The following SLC44A1 variants were observed in gnomAD, a reference collection of about 807,000 sequenced individuals.
SLC44A1 encodes the protein choline transporter-like protein 1.
A neutral mutation model predicts 79.3 loss-of-function variants in SLC44A1; 26 were observed. The observed-to-expected ratio is 0.33, with a 90% confidence interval of 0.24 to 0.46. SLC44A1 has a LOEUF of 0.46. SLC44A1 is among the 20% of genes least tolerant of loss of function. SLC44A1 has a pLI of 1.00. For missense variants in SLC44A1, 688 were observed against 798.1 expected (o/e 0.86, Z 1.66); for synonymous variants, 263 against 286.2 (o/e 0.92, Z 0.82).
chr9:105,258,144 G>A (rs575468081), intron 1 of SLC44A1, among the ~76,000 whole-genome samples: 1 of 152,310 alleles, frequency 6.6e-6, no homozygotes, highest in South Asian at 2.1e-4. Flanking sequence ...TGTTTTGAAC[G>A]CCACATCATG....
Position 105,394,752 on chromosome 9 carries a change from G to T in SLC44A1, c.*5696G>T, listed in dbSNP as rs1227451270. ...TCCATAGTTGGCAAAAAATAAATTT[G>T]GTAGAAAGTTGGAGGAGCAGATGCT... is the stretch of plus-strand genomic sequence containing the variant. On this transcript the variant is annotated 3_prime_UTR_variant, in exon 16 of 16. Transcript: ENST00000374720. 1 of 985,208 alleles carries T rather than the reference G, an allele frequency of 1.0e-6. No homozygotes were observed. Among genetic ancestry groups the T allele is most frequent in the Non-Finnish European group, 1.2e-6 (1 of 829,900 alleles). The allele number at this position is 985,208 out of a possible 1,614,324, so 61.0% of individuals were successfully genotyped here. A position where few individuals can be genotyped will look rare whatever the true frequency, so the allele number is the denominator to read the frequency against.
intron 1 of SLC44A1, among the ~76,000 whole-genome samples, chr9:105,295,406 G>A (rs934258242): frequency 3.3e-5 from 5 of 152,182 alleles, no homozygotes; most frequent in Admixed American, 1.3e-4. Flanking sequence ...TCTGAGAAAG[G>A]GGTAAAATCA....
chr9:105,256,953 A>C (rs1014935499), intron 1 of SLC44A1, among the ~76,000 whole-genome samples: 1 of 151,134 alleles, frequency 6.6e-6, no homozygotes, highest in Non-Finnish European at 1.5e-5. Context: ...CAGAGGGCTA[A>C]TTTTTGTATT....
chr9:105,244,861 GC>G lies in SLC44A1; in HGVS notation c.-4del. 1.7e-6 allele frequency: 2 copies of G among 1,145,086 alleles called. No individual in the cohort carries two copies. The highest frequency in any genetic ancestry group is 2.1e-6 in the Non-Finnish European group (2 of 933,962). 70.9% of individuals were successfully genotyped at this position (1,145,086 alleles called of 1,614,324 possible). A position where few individuals can be genotyped will look rare whatever the true frequency, so the allele number is the denominator to read the frequency against. ...CCGGCGCCGCCTCCGGGCTCCTTCG[GC>G]CCCGCCATGGGCTGCTGCAGCTCCG... On this transcript the variant is annotated 5_prime_UTR_variant, in exon 1 of 16. Coordinates refer to ENST00000374720, the MANE Select transcript of SLC44A1 (RefSeq NM_080546.5).
Position 105,358,413 on chromosome 9 carries a change from T to C in SLC44A1, c.740T>C (p.Leu247Pro). The C allele has an allele frequency of 2.5e-6, 4 of 1,592,786 alleles. No homozygotes were observed. Among genetic ancestry groups the C allele is most frequent in the Non-Finnish European group, 3.4e-6 (4 of 1,160,904 alleles). ...SRVLVWILTILVILGSLGGTG... is the reference protein window; with the variant it reads ...SRVLVWILTIPVILGSLGGTG... ...GTACTTGTGTGGATCTTAACGATTCTGGTCATACTCGGTTCACTTGGTAAG... is the reference window on the plus strand; with the variant it reads ...GTACTTGTGTGGATCTTAACGATTCCGGTCATACTCGGTTCACTTGGTAAG... Residue 247 changes from leucine to proline, a missense_variant, in exon 7 of 16, where the codon CTG (leucine) becomes CCG (proline). Transcript: ENST00000374720.
At chr9:105,303,877 G>T (rs1830947589) in intron 2 of SLC44A1, among the ~76,000 whole-genome samples, 2 of 152,166 alleles carry the variant, frequency 1.3e-5, no homozygotes, top group African/African-American at 4.8e-5. Flanking sequence ...TTAGTATGTT[G>T]TTAGGAAGCT....
At chr9:105,296,803 A>G (rs959638486) in intron 1 of SLC44A1, among the ~76,000 whole-genome samples, 2 of 152,236 alleles carry the variant, frequency 1.3e-5, no homozygotes, top group Non-Finnish European at 2.9e-5. Context: ...TCTTATATGA[A>G]TAATACAGAG....
intron 15 of SLC44A1, chr9:105,385,751 TA>T: frequency 1.0e-6 from 1 of 985,160 alleles, no homozygotes. Flanking sequence ...CAGGGGCGGG[TA>T]GGGGATGATG....
In SLC44A1 at chr9:105,361,323, T is replaced by G; in HGVS notation, c.893T>G (p.Val298Gly). The change falls in exon 8 of 16, where the codon GTG becomes GGG. Residue 298 changes from valine to glycine, a missense_variant. Coordinates refer to ENST00000374720, the MANE Select transcript of SLC44A1 (RefSeq NM_080546.5). ...ALLIYAISAT[V>G]FTVILFLIML... Reference sequence around the variant, plus strand: ...CTCATTTATGCCATTTCAGCTACAGTGTTCACAGTGAGTTTAGGCTTTGGC... The same window carrying G: ...CTCATTTATGCCATTTCAGCTACAGGGTTCACAGTGAGTTTAGGCTTTGGC... The G allele has an allele frequency of 6.2e-7, 1 of 1,603,374 alleles. No individual in the cohort carries two copies. Among genetic ancestry groups the G allele is most frequent in the Non-Finnish European group, 8.5e-7 (1 of 1,175,626 alleles).
chr9:105,385,342 T>C (rs1181026832), intron 14 of SLC44A1, 80 bp from the exon 15 acceptor site: 23 of 1,009,386 alleles, frequency 2.3e-5, no homozygotes, highest in Non-Finnish European at 3.5e-5. Flanking sequence ...GAGTCAAAAA[T>C]GTAGATGTTC....
chr9:105,420,861 CAAAAAAAAAAAA>C (rs34053627), intron 15 of SLC44A1, among the ~76,000 whole-genome samples: 6 of 12,470 alleles, frequency 4.8e-4, no homozygotes, highest in African/African-American at 6.4e-4. Flanking sequence ...AACTCCATCT[CAAAAAAAAAAAA>C]AAAAAAAAAA....
chr9:105,404,247 A>AG lies in SLC44A1; in HGVS notation c.1950+18745_1950+18746insG, dbSNP rs1365970840. 2.0e-5 allele frequency among the ~76,000 whole-genome samples: 3 copies of AG among 151,662 alleles called. No homozygotes were observed. The East Asian group carries it at 5.8e-4, about 29-fold the overall frequency. On this transcript the variant is annotated intron_variant, in intron 15 of 15. Coordinates refer to the SLC44A1 transcript ENST00000374724. ...AGGACTCATCTCAAAAAAAAAAAAA[A>AG]AAAAAAAAGAATGGAGAGAAAGGGA...
chr9:105,408,379 T>C (rs924103859), intron 15 of SLC44A1, among the ~76,000 whole-genome samples: 7 of 151,568 alleles, frequency 4.6e-5, no homozygotes, highest in African/African-American at 1.7e-4. Flanking sequence ...GCTAGTATTA[T>C]TGTATTTTTT....
At chr9:105,380,639 G>A (rs1335029790) in intron 13 of SLC44A1, among the ~76,000 whole-genome samples, 6 of 151,730 alleles carry the variant, frequency 4.0e-5, no homozygotes, top group East Asian at 1.9e-4. Context: ...TAAAGCATAC[G>A]AAAGAAGACA....
intron 15 of SLC44A1, among the ~76,000 whole-genome samples, chr9:105,435,148 AAAAAC>A (rs890110582): frequency 6.7e-6 from 1 of 148,468 alleles, no homozygotes; most frequent in Admixed American, 6.6e-5. Context: ...GTCTGTTTCA[AAAAAC>A]AAAACAAAAC....
intron 2 of SLC44A1, among the ~76,000 whole-genome samples, chr9:105,301,105 G>A (rs533561407): frequency 1.3e-5 from 2 of 152,276 alleles, no homozygotes; most frequent in Non-Finnish European, 2.9e-5. Context: ...TTAGTCCACA[G>A]CCTTTCCCCA....
Position 105,389,678 on chromosome 9 carries a change from C to G in SLC44A1, c.*622C>G, listed in dbSNP as rs1169505731. 67 of 1,235,112 alleles carry G rather than the reference C, an allele frequency of 5.4e-5. No individual in the cohort carries two copies. The highest frequency in any genetic ancestry group is 6.5e-5 in the Non-Finnish European group (64 of 988,358). The allele number at this position is 1,235,112 out of a possible 1,614,324, so 76.5% of individuals were successfully genotyped here. A position where few individuals can be genotyped will look rare whatever the true frequency, so the allele number is the denominator to read the frequency against. ...TTTGTCAGCCAACATTAAAAGGTAA[C>G]CAACTCCTCAGGTATTTGTAGTTTA... is the stretch of plus-strand genomic sequence containing the variant. On this transcript the variant is annotated 3_prime_UTR_variant, in exon 16 of 16. Transcript: ENST00000374720.
intron 1 of SLC44A1, among the ~76,000 whole-genome samples, chr9:105,245,323 C>A (rs939861832): frequency 3.3e-5 from 5 of 152,368 alleles, no homozygotes; most frequent in Admixed American, 3.3e-4. Context: ...ATCCGCCGCC[C>A]GTTTTCTGTG....
At chr9:105,284,425 G>A (rs1199593754) in intron 1 of SLC44A1, among the ~76,000 whole-genome samples, 2 of 151,986 alleles carry the variant, frequency 1.3e-5, no homozygotes, top group African/African-American at 2.4e-5. Context: ...GCCTTGTCAC[G>A]TGAGTCCTTT....
Sources: allele counts gnomAD v4.1 joint callset (sites outside exome capture counted in the v4.1 genomes callset), GRCh38; gene constraint gnomAD v4.1.1; transcripts MANE v1.5; gene names NCBI Gene and HGNC (gene_info 2026-07-23, HGNC 2026-07-21).